ADAM10: variants seen among roughly 807,000 people sequenced by gnomAD.
ADAM10 encodes disintegrin and metalloproteinase domain-containing protein 10.
ADAM10 carries 17 observed loss-of-function variants against 90.1 expected under a neutral mutation model. The ratio of observed to expected loss-of-function variants is 0.19; its 90% confidence interval spans 0.13 to 0.28. ADAM10 has a LOEUF of 0.28. Among genes scored for constraint, ADAM10 ranks in the 10% least tolerant of loss-of-function variants. The pLI is 1.00. For synonymous variants in ADAM10, 310 were observed against 298.6 expected (o/e 1.04, Z -0.40); for missense variants, 610 against 914.3 (o/e 0.67, Z 4.29).
At chr15:58,622,672 G>A (rs1164451979) in intron 10 of ADAM10, among the ~76,000 whole-genome samples, 4 of 152,014 alleles carry the variant, frequency 2.6e-5, no homozygotes, top group Non-Finnish European at 4.4e-5. Flanking sequence ...GCCAGATCTT[G>A]GTTGATTAAG....
rs1445736483 is a variant in ADAM10, at chr15:58,591,405, T to C, written c.*6142A>G. ...AAAAACAGTAATGAATCAGCTTCTA[T>C]AGGAATTTGATTCACATTTAAAACA... is the stretch of plus-strand genomic sequence containing the variant. On this transcript the variant is annotated 3_prime_UTR_variant, in exon 16 of 16. Coordinates refer to ENST00000260408, the MANE Select transcript of ADAM10 (RefSeq NM_001110.4). 5 of 152,198 alleles carry C rather than the reference T, an allele frequency of 3.3e-5. No homozygotes were observed. In the East Asian group the frequency reaches 7.7e-4, roughly 23 times the overall value. The allele number at this position is 152,198 out of a possible 1,614,324, so 9.4% of individuals were successfully genotyped here.
chr15:58,658,705 C>T (rs1374774888), intron 5 of ADAM10, among the ~76,000 whole-genome samples: 1 of 152,134 alleles, frequency 6.6e-6, no homozygotes, highest in Non-Finnish European at 1.5e-5. Context: ...ACATCTTGCA[C>T]ATATTTTGTT....
At chr15:58,737,169 C>T (rs1401328879) in intron 1 of ADAM10, among the ~76,000 whole-genome samples, 2 of 152,100 alleles carry the variant, frequency 1.3e-5, no homozygotes, top group East Asian at 1.9e-4. Context: ...TACCAATCCG[C>T]CTTTTAAAAA....
intron 8 of ADAM10, among the ~76,000 whole-genome samples, chr15:58,636,924 A>G (rs1248881425): frequency 1.3e-5 from 2 of 152,234 alleles, no homozygotes; most frequent in Non-Finnish European, 1.5e-5. Flanking sequence ...GAGCACAGGC[A>G]TTTGGCTTTC....
intron 13 of ADAM10, chr15:58,610,748 A>C (rs1013143108): frequency 3.1e-6 from 2 of 638,464 alleles, no homozygotes; most frequent in Non-Finnish European, 5.5e-6. Flanking sequence ...GATGACTTAA[A>C]GTCTAACAGT....
chr15:58,682,440 C>T (rs1205154970), intron 2 of ADAM10, 126 bp from the exon 3 acceptor site: 53 of 1,406,684 alleles, frequency 3.8e-5, no homozygotes, highest in East Asian at 7.7e-5. Context: ...TTGTGAAATA[C>T]GCTGACCAAG....
At chr15:58,660,754 T>A (rs986039059) in intron 5 of ADAM10, among the ~76,000 whole-genome samples, 5 of 152,262 alleles carry the variant, frequency 3.3e-5, no homozygotes, top group Non-Finnish European at 7.3e-5. Flanking sequence ...CCTCTTCTTT[T>A]TTCAATGGTT....
At chr15:58,679,434 G>A in intron 3 of ADAM10, 152 bp from the exon 4 acceptor site, 1 of 736,866 alleles carries the variant, frequency 1.4e-6, no homozygotes, top group Non-Finnish European at 2.2e-6. Context: ...AATTTACTAT[G>A]GAAATTTTCA....
At chr15:58,629,958 G>C (rs967601523) in intron 9 of ADAM10, among the ~76,000 whole-genome samples, 1 of 152,058 alleles carries the variant, frequency 6.6e-6, no homozygotes, top group African/African-American at 2.4e-5. Flanking sequence ...ATTTTTGGTA[G>C]AGACGGGGTT....
intron 2 of ADAM10, among the ~76,000 whole-genome samples, chr15:58,712,951 A>G (rs1218103062): frequency 6.6e-6 from 1 of 152,202 alleles, no homozygotes. Flanking sequence ...GAGAAAACAA[A>G]TTTCGAACAA....
Position 58,595,456 on chromosome 15 carries a change from ATACTT to A in ADAM10, c.*2086_*2090del, listed in dbSNP as rs1894925882. ...TCAAAAAACCTTACATCTTTGCACAATACTTTATTTTTTGCAATTTTTAGTAAAAA... is the reference window on the plus strand; with the variant it reads ...TCAAAAAACCTTACATCTTTGCACAATATTTTTTGCAATTTTTAGTAAAAA... On this transcript the variant is annotated 3_prime_UTR_variant, in exon 16 of 16. Transcript: ENST00000260408. 2 of 152,168 alleles carry A rather than the reference ATACTT, an allele frequency of 1.3e-5. No individual in the cohort carries two copies. Among genetic ancestry groups the A allele is most frequent in the Non-Finnish European group, 2.9e-5 (2 of 67,992 alleles). 9.4% of individuals were successfully genotyped at this position (152,168 alleles called of 1,614,324 possible).
At chr15:58,727,150 G>A (rs1319728265) in intron 1 of ADAM10, among the ~76,000 whole-genome samples, 2 of 144,074 alleles carry the variant, frequency 1.4e-5, no homozygotes, top group Non-Finnish European at 3.0e-5. Context: ...GGAAACTGGT[G>A]CACCACCATG....
intron 5 of ADAM10, among the ~76,000 whole-genome samples, chr15:58,651,949 G>A (rs974343298): frequency 6.6e-6 from 1 of 151,992 alleles, no homozygotes; most frequent in South Asian, 2.1e-4. Flanking sequence ...TTTTTACTGA[G>A]GTGAGACGGT....
At chr15:58,726,605 C>T (rs572861933) in intron 1 of ADAM10, among the ~76,000 whole-genome samples, 1 of 134,108 alleles carries the variant, frequency 7.5e-6, no homozygotes, top group East Asian at 2.5e-4. Context: ...ATATTACTCC[C>T]GAAAAATGCA....
At chr15:58,647,312 G>C (rs1483287374) in intron 5 of ADAM10, among the ~76,000 whole-genome samples, 1 of 119,714 alleles carries the variant, frequency 8.4e-6, no homozygotes, top group Non-Finnish European at 1.6e-5. Flanking sequence ...CCAGGATGGA[G>C]TGCAGTGGCA....
At chr15:58,747,418 C>A (rs1449953858) in intron 1 of ADAM10, 1 of 152,046 alleles carries the variant, frequency 6.6e-6, no homozygotes. Flanking sequence ...TAAATTTCCA[C>A]CACAACTTCT....
In ADAM10 at chr15:58,686,402, G is replaced by A. The variant is rs138237090; in HGVS notation, c.207-4088C>T. 1.3e-3 allele frequency: 1,496 copies of A among 1,148,610 alleles called. 6 individuals carry two copies. The African/African-American group carries it at 0.019, about 14-fold the overall frequency. The allele number at this position is 1,148,610 out of a possible 1,614,324, so 71.2% of individuals were successfully genotyped here. On this transcript the variant is annotated intron_variant, in intron 2 of 15. Coordinates refer to ENST00000260408, the MANE Select transcript of ADAM10 (RefSeq NM_001110.4). ...CAAGGCTGGGCCCTCGGAGCCCAGC[G>A]CCGCCACCATGTCCTCTGGGGCTAG...
chr15:58,649,896 A>G (rs1896644622), intron 5 of ADAM10, among the ~76,000 whole-genome samples: 2 of 152,272 alleles, frequency 1.3e-5, no homozygotes, highest in African/African-American at 2.4e-5. Context: ...CTTCTAGGAC[A>G]TCAATTACAT....
intron 2 of ADAM10, among the ~76,000 whole-genome samples, chr15:58,714,292 TACACAC>T (rs71116591): frequency 0.016 from 2,240 of 142,998 alleles, 30 homozygotes; most frequent in African/African-American, 0.038. Flanking sequence ...TACATACACA[TACACAC>T]ACACACACAC....
Sources: allele counts gnomAD v4.1 joint callset (sites outside exome capture counted in the v4.1 genomes callset), GRCh38; gene constraint gnomAD v4.1.1; transcripts MANE v1.5; gene names NCBI Gene and HGNC (gene_info 2026-07-23, HGNC 2026-07-21).